GFI1B: variants seen among roughly 807,000 people sequenced by gnomAD.
GFI1B encodes zinc finger protein Gfi-1b.
GFI1B carries 20 observed loss-of-function variants against 35.3 expected under a neutral mutation model. That is an observed-to-expected ratio of 0.57 (90% CI 0.40 to 0.82). The LOEUF is 0.82. Ranked by LOEUF, GFI1B falls within the 40% of genes least tolerant of loss-of-function variation. The pLI, the probability that GFI1B is intolerant of heterozygous loss-of-function variation, is 0.00. For missense variants in GFI1B, 430 were observed against 446.3 expected (o/e 0.96, Z 0.33); for synonymous variants, 178 against 177.6 (o/e 1.00, Z -0.02).
chr9:132,969,924 A>T (rs999588731), intron 1 of GFI1B, among the ~76,000 whole-genome samples: 1 of 152,166 alleles, frequency 6.6e-6, no homozygotes, highest in African/African-American at 2.4e-5. Flanking sequence ...GAAACAGTTA[A>T]AATCTCCGAA....
chr9:132,965,598 G>A (rs753921259), intron 1 of GFI1B, among the ~76,000 whole-genome samples: 1 of 152,256 alleles, frequency 6.6e-6, no homozygotes, highest in Non-Finnish European at 1.5e-5. Context: ...GTATAAGACA[G>A]AAGCAGGACG....
chr9:132,957,100 G>T (rs1346407262), intron 1 of GFI1B, among the ~76,000 whole-genome samples: 1 of 152,182 alleles, frequency 6.6e-6, no homozygotes, highest in African/African-American at 2.4e-5. Flanking sequence ...GAAGTCACTA[G>T]GTAGTCTCAG....
At chr9:132,973,064 C>T (rs911530306) in intron 2 of GFI1B, among the ~76,000 whole-genome samples, 2 of 152,252 alleles carry the variant, frequency 1.3e-5, no homozygotes, top group African/African-American at 4.8e-5. Flanking sequence ...ATAGAGCAGA[C>T]GAGCCCCAAT....
Position 132,986,236 on chromosome 9 carries a change from G to A in GFI1B, c.-20-423G>A, listed in dbSNP as rs369090610. 3.4e-5 allele frequency among the ~76,000 whole-genome samples: 5 copies of A among 148,736 alleles called. No individual in the cohort carries two copies. In the East Asian group the frequency reaches 7.7e-4, roughly 23 times the overall value. On this transcript the variant is annotated intron_variant, in intron 1 of 6. Transcript: ENST00000372122. ...GTTTCATGCCCCTCTCTGAGTTCTG[G>A]CGGCTGTCGGCACTGCCTGGCATTC...
intron 1 of GFI1B, among the ~76,000 whole-genome samples, chr9:132,983,299 C>G (rs1190016411): frequency 6.8e-6 from 1 of 147,950 alleles, no homozygotes; most frequent in East Asian, 2.0e-4. Context: ...CGGGTTCAAG[C>G]GATTCTCCTG....
chr9:132,958,834 G>C (rs920508799), intron 1 of GFI1B, among the ~76,000 whole-genome samples: 3 of 152,198 alleles, frequency 2.0e-5, no homozygotes, highest in African/African-American at 7.2e-5. Context: ...CAGTGGATTT[G>C]GAGTTTAGAC....
intron 1 of GFI1B, among the ~76,000 whole-genome samples, chr9:132,955,013 G>A (rs1350583993): frequency 2.0e-5 from 3 of 152,000 alleles, no homozygotes; most frequent in South Asian, 2.1e-4. Context: ...CACTGTACCT[G>A]GCCAAATATT....
chr9:132,963,545 C>G (rs1449413425), intron 1 of GFI1B, among the ~76,000 whole-genome samples: 3 of 151,890 alleles, frequency 2.0e-5, no homozygotes, highest in African/African-American at 7.3e-5. Flanking sequence ...TTGCTGTCAT[C>G]CAGGCTGGAG....
intron 1 of GFI1B, among the ~76,000 whole-genome samples, chr9:132,970,921 C>A (rs1848524055): frequency 6.6e-6 from 1 of 152,190 alleles, no homozygotes; most frequent in African/African-American, 2.4e-5. Flanking sequence ...ATTAGCACCA[C>A]TCACCTGATA....
chr9:132,970,076 C>T (rs1848510451), intron 1 of GFI1B, among the ~76,000 whole-genome samples: 2 of 152,270 alleles, frequency 1.3e-5, no homozygotes, highest in Middle Eastern at 3.4e-3. Flanking sequence ...GGAACCCCAT[C>T]GATGGGAGAA....
chr9:132,967,562 A>G (rs547533339), intron 1 of GFI1B, among the ~76,000 whole-genome samples: 1 of 152,352 alleles, frequency 6.6e-6, no homozygotes, highest in African/African-American at 2.4e-5. Flanking sequence ...ACTGGGGGAA[A>G]CTGCAAAAAT....
At chr9:132,978,948 G>A (rs1848715100) in intron 1 of GFI1B, 107 bp downstream of exon 1, 1 of 152,340 alleles carries the variant, frequency 6.6e-6, no homozygotes, top group Non-Finnish European at 1.5e-5. Context: ...CCTAGGAAAG[G>A]TGAGGTGGGC....
At chr9:132,986,853 C>A in intron 2 of GFI1B, 75 bp downstream of exon 2, 1 of 872,668 alleles carries the variant, frequency 1.1e-6, no homozygotes, top group Non-Finnish European at 1.9e-6. Context: ...GGTGCAGCAG[C>A]GTCCCTCCTG....
chr9:132,955,320 T>C (rs1848266667), intron 1 of GFI1B, among the ~76,000 whole-genome samples: 1 of 152,094 alleles, frequency 6.6e-6, no homozygotes, highest in Non-Finnish European at 1.5e-5. Context: ...GACAGGGTCT[T>C]ACTCTGTCAC....
At chr9:132,950,713 CTACACTA>C (rs2132581946) in intron 1 of GFI1B, among the ~76,000 whole-genome samples, 1 of 80,866 alleles carries the variant, frequency 1.2e-5, no homozygotes, top group South Asian at 3.2e-4. Flanking sequence ...ATACACTACA[CTACACTA>C]TACACTATAC....
intron 1 of GFI1B, chr9:132,952,127 GT>G: frequency 6.6e-6 from 1 of 151,806 alleles, no homozygotes; most frequent in East Asian, 1.9e-4. Flanking sequence ...TATTTTGTGT[GT>G]TTTTTTAAAA....
intron 1 of GFI1B, among the ~76,000 whole-genome samples, chr9:132,962,137 C>CTTTTTT (rs56259129): frequency 7.7e-6 from 1 of 129,614 alleles, no homozygotes. Context: ...TTTTTTTTTT[C>CTTTTTT]TTTTTTTTTT....
chr9:132,973,350 G>T (rs909485904), intron 2 of GFI1B, among the ~76,000 whole-genome samples: 2 of 152,212 alleles, frequency 1.3e-5, no homozygotes, highest in African/African-American at 4.8e-5. Context: ...GAGGGCCCGT[G>T]GCCCGGCCTC....
downstream of GFI1B, among the ~76,000 whole-genome samples, chr9:132,991,985 A>G (rs891398871): frequency 6.6e-6 from 1 of 152,142 alleles, no homozygotes; most frequent in African/African-American, 2.4e-5. Context: ...GGCTTAAAAC[A>G]ACACACATTT....
Sources: allele counts gnomAD v4.1 joint callset (sites outside exome capture counted in the v4.1 genomes callset), GRCh38; gene constraint gnomAD v4.1.1; transcripts MANE v1.5; gene names NCBI Gene and HGNC (gene_info 2026-07-23, HGNC 2026-07-21).